Variants in MAPK14 observed in about 807,000 individuals in gnomAD.
The protein encoded by MAPK14 is CSAID-binding protein.
Under a neutral mutation model 49.6 loss-of-function variants are expected in MAPK14, and 16 were observed. The ratio of observed to expected loss-of-function variants is 0.32; its 90% CI spans 0.22 to 0.49. The LOEUF (loss-of-function observed/expected upper bound fraction) is 0.49, where lower values mean the gene tolerates loss of function less well. Among genes scored for constraint, MAPK14 ranks in the 20% least tolerant of loss-of-function variants. The pLI, the probability that MAPK14 is intolerant of heterozygous loss-of-function variation, is 0.99. For missense variants in MAPK14, 200 were observed against 441.2 expected, an observed-to-expected ratio of 0.45 and a Z score of 4.90; for synonymous variants, 142 against 158.0, an observed-to-expected ratio of 0.90 and a Z score of 0.76.
rs1025242255 is a variant in MAPK14 at position 36,028,758 on chromosome 6, C to T, written c.116+485C>T. ...AACCCGAAGACTGCGGTCATCTGAACAAAACTGACCAGGAAGGGAGCTCTC... is the reference window on the plus strand; with the variant it reads ...AACCCGAAGACTGCGGTCATCTGAATAAAACTGACCAGGAAGGGAGCTCTC... On this transcript the variant is annotated intron_variant, in intron 1 of 11. Transcript: ENST00000229794. This position sits in a 1 kb window ranked among gnomAD's most constrained non-coding sequence, Gnocchi z 5.1. 7.2e-6 allele frequency among the ~76,000 whole-genome samples: 1 copy of T among 138,436 alleles called. No individual in the cohort carries two copies. The highest frequency in any genetic ancestry group is 1.5e-5 in the Non-Finnish European group (1 of 64,898). The allele number at this position is 138,436 out of a possible 152,430, so 90.8% of individuals were successfully genotyped here.
intron 8 of MAPK14, among the ~76,000 whole-genome samples, chr6:36,088,659 T>G (rs1220122655): frequency 6.9e-6 from 1 of 145,458 alleles, no homozygotes; most frequent in East Asian, 2.0e-4. Context: ...GAGGCGGAGC[T>G]GGCAGTGAGC....
chr6:36,030,986 T>A (rs1762519182), intron 1 of MAPK14, among the ~76,000 whole-genome samples: 1 of 152,226 alleles, frequency 6.6e-6, no homozygotes, highest in Non-Finnish European at 1.5e-5. Context: ...TTAAGTGTTA[T>A]CTTATTCAGA....
Position 36,033,959 on chromosome 6 carries a change from A to G in MAPK14, c.116+5686A>G, listed in dbSNP as rs149050606. ...GGCTCATATTTATTAACTCCATTTT[A>G]TAGATGGGGAGCTGGACTCATTCAT... On this transcript the variant is annotated intron_variant, in intron 1 of 11. Transcript: ENST00000229794. 9.2e-5 allele frequency among the ~76,000 whole-genome samples: 14 copies of G among 152,304 alleles called. No individual in the cohort carries two copies. The South Asian group carries it at 1.9e-3, about 20-fold the overall frequency.
chr6:36,099,978 C>G (rs1334519281), intron 9 of MAPK14, among the ~76,000 whole-genome samples: 2 of 152,162 alleles, frequency 1.3e-5, no homozygotes, highest in Non-Finnish European at 2.9e-5. Flanking sequence ...TTTTTCTTAT[C>G]TGCATGGCCA....
At position 36,100,252 on chromosome 6, in the gene MAPK14, G is replaced by A. The variant is rs1487234778; in HGVS notation, c.763-2319G>A. The A allele has an allele frequency of 6.8e-6, 11 of 1,613,456 alleles. No homozygotes were observed. The African/African-American group carries it at 1.3e-4, about 20-fold the overall frequency. ...CACCCCCCGCTTATCTCATTAACAG[G>A]ATGCCAAGCCATGAGGTGAGAACAA... On this transcript the variant is annotated intron_variant, in intron 9 of 11. Transcript: ENST00000229794.
intron 9 of MAPK14, among the ~76,000 whole-genome samples, chr6:36,101,918 G>A (rs774314643): frequency 3.3e-4 from 50 of 152,190 alleles, no homozygotes; most frequent in Admixed American, 2.3e-3. Flanking sequence ...AGGTGGTTAA[G>A]ATAGACAGCA....
chr6:36,075,968 A>G lies in MAPK14; in HGVS notation c.610+6A>G, dbSNP rs1195868524. ...GATGCATTACAACCAGACAGGTATT[A>G]CTCGCCTTGGTTATTTAGGGCCTTA... On this transcript the variant is annotated splice_donor_region_variant and intron_variant, in intron 7 of 11. Transcript: ENST00000229794. The G allele has an allele frequency of 1.9e-6, 3 of 1,613,974 alleles. No individual in the cohort carries two copies. The highest frequency in any genetic ancestry group is 2.5e-6 in the Non-Finnish European group (3 of 1,179,966).
At chr6:36,034,677 C>G (rs1762667195) in intron 1 of MAPK14, among the ~76,000 whole-genome samples, 1 of 152,092 alleles carries the variant, frequency 6.6e-6, no homozygotes. Context: ...AAGAAACTTT[C>G]AGTATTCAGA....
rs67149910 is a variant in MAPK14, at chr6:36,107,269, T to TACACAC, written c.842-168_842-163dup. 1.3e-5 allele frequency among the ~76,000 whole-genome samples: 2 copies of TACACAC among 150,660 alleles called. No homozygotes were observed. The highest frequency in any genetic ancestry group is 4.9e-5 in the African/African-American group (2 of 40,974). On this transcript the variant is annotated intron_variant, in intron 10 of 11. Transcript: ENST00000229794. This position sits in a 1 kb window ranked among gnomAD's most constrained non-coding sequence, Gnocchi z 4.3. Reference sequence around the variant, plus strand: ...AATTTTAAAACATAGAAAATACAGATACACACACACACACACACACACATA... The same window carrying TACACAC: ...AATTTTAAAACATAGAAAATACAGATACACACACACACACACACACACACACACATA...
At chr6:36,074,002 T>A in intron 5 of MAPK14, 47 bp from the exon 6 acceptor site, 1 of 1,359,772 alleles carries the variant, frequency 7.4e-7, no homozygotes, top group East Asian at 2.3e-5. Context: ...GGAGAATTGA[T>A]CATGCATCAT....
chr6:36,027,969 C>A lies in MAPK14; in HGVS notation c.-189C>A. ...GGGGCTTGCCCCAGTCGCAGGGGCA[C>A]ATCCAGCCGCTGCGGCTGACAGCAG... On this transcript the variant is annotated 5_prime_UTR_variant, in exon 1 of 12. Coordinates refer to ENST00000229794, the MANE Select transcript of MAPK14 (RefSeq NM_139012.3). The A allele has an allele frequency of 2.3e-6, 1 of 441,310 alleles. No homozygotes were observed. The highest frequency in any genetic ancestry group is 3.9e-6 in the Non-Finnish European group (1 of 254,586). The allele number at this position is 441,310 out of a possible 1,614,324, so 27.3% of individuals were successfully genotyped here.
chr6:36,062,067 TC>T (rs1175714557), intron 3 of MAPK14, among the ~76,000 whole-genome samples: 1 of 152,146 alleles, frequency 6.6e-6, no homozygotes, highest in Non-Finnish European at 1.5e-5. Context: ...CACCTCTGCC[TC>T]CCAGCTCATG....
At chr6:36,080,093 A>G (rs1269529943) in intron 8 of MAPK14, among the ~76,000 whole-genome samples, 1 of 151,920 alleles carries the variant, frequency 6.6e-6, no homozygotes, top group Non-Finnish European at 1.5e-5. Flanking sequence ...ATAGGTGTGT[A>G]CCACCATGTA....
chr6:36,124,116 TCTCCTCCCTCCCTC>T, the MAPK14 span, among the ~76,000 whole-genome samples: 14 of 69,800 alleles, frequency 2.0e-4, no homozygotes, highest in Non-Finnish European at 4.1e-4. Flanking sequence ...TCTCTCTCTC[TCTCCTCCCTCCCTC>T]CCTCCCTCCC....
At chr6:36,065,329 GTA>G (rs1272853842) in intron 3 of MAPK14, among the ~76,000 whole-genome samples, 1 of 152,200 alleles carries the variant, frequency 6.6e-6, no homozygotes. Context: ...TATAGGGCAG[GTA>G]TAGAGTGCTA....
intron 3 of MAPK14, among the ~76,000 whole-genome samples, chr6:36,070,813 G>A (rs946990175): frequency 3.3e-5 from 5 of 151,974 alleles, no homozygotes; most frequent in Non-Finnish European, 7.4e-5. Flanking sequence ...TTAGTTGTGT[G>A]TGTAGGTATA....
chr6:36,111,277 G>A (rs1581863372), downstream of MAPK14: 2 of 152,340 alleles, frequency 1.3e-5, no homozygotes, highest in South Asian at 4.1e-4. Flanking sequence ...GGCTGCTTTT[G>A]TGCTACAGTG....
chr6:36,117,115 C>A, the MAPK14 span, among the ~76,000 whole-genome samples: 1 of 152,224 alleles, frequency 6.6e-6, no homozygotes, highest in Admixed American at 6.5e-5. Flanking sequence ...GCACTGGTGC[C>A]TTATCTTGTT....
the MAPK14 span, among the ~76,000 whole-genome samples, chr6:36,117,331 G>A: frequency 6.6e-6 from 1 of 152,202 alleles, no homozygotes; most frequent in Non-Finnish European, 1.5e-5. Flanking sequence ...GCTCTAATGG[G>A]ACAAAGTCAC....
Sources: allele counts gnomAD v4.1 joint callset (sites outside exome capture counted in the v4.1 genomes callset), GRCh38; gene constraint gnomAD v4.1.1; non-coding constraint Gnocchi (gnomAD v3.1); transcripts MANE v1.5; gene names NCBI Gene and HGNC (gene_info 2026-07-23, HGNC 2026-07-21).